NFE2L2: variants seen among roughly 807,000 people sequenced by gnomAD.
NFE2L2 encodes nuclear factor erythroid 2-related factor 2.
In NFE2L2, 20 loss-of-function variants were observed where a neutral mutation model predicts 49.6. That is an observed-to-expected ratio of 0.40 (90% CI 0.28 to 0.59). NFE2L2 has a LOEUF of 0.59. Among genes scored for constraint, NFE2L2 ranks in the 20% least tolerant of loss-of-function variants. The probability of loss-of-function intolerance (pLI) is 0.40; values close to 1 mark genes in which losing one functional copy is unlikely to be tolerated. For synonymous variants in NFE2L2, 244 were observed against 256.5 expected, an observed-to-expected ratio of 0.95 and a Z score of 0.47; for missense variants, 578 against 714.2, an observed-to-expected ratio of 0.81 and a Z score of 2.17.
intron 1 of NFE2L2, among the ~76,000 whole-genome samples, chr2:177,242,374 T>A (rs148958299): frequency 2.1e-3 from 324 of 152,376 alleles, no homozygotes; most frequent in African/African-American, 7.6e-3. Context: ...CAAGTTTTCC[T>A]TTCCCTTATC....
At chr2:177,232,193 A>C in intron 4 of NFE2L2, 185 bp from the exon 5 acceptor site, 1 of 895,900 alleles carries the variant, frequency 1.1e-6, no homozygotes, top group Non-Finnish European at 1.6e-6. Context: ...TTATTTTCAG[A>C]GTTCCCAGAT....
intron 1 of NFE2L2, among the ~76,000 whole-genome samples, chr2:177,244,870 G>C (rs1690069473): frequency 6.6e-6 from 1 of 151,968 alleles, no homozygotes; most frequent in African/African-American, 2.4e-5. Flanking sequence ...TGGGCGTGGT[G>C]GTGGGCGCCT....
Position 177,264,665 on chromosome 2 carries a change from C to CGGCGGCGGCGGT in NFE2L2, c.-90_-89insACCGCCGCCGCC. On this transcript the variant is annotated 5_prime_UTR_variant, in exon 1 of 5. Transcript: ENST00000397062. ...GGCGCGGACAGGGCGGCTCTGGTGG[C>CGGCGGCGGCGGT]GGCGGCGGCGGCGGTGGCGGCTGCG... 3.9e-6 allele frequency: 2 copies of CGGCGGCGGCGGT among 506,832 alleles called. No individual in the cohort carries two copies. The highest frequency in any genetic ancestry group is 4.9e-6 in the Non-Finnish European group (2 of 407,818). 31.4% of individuals were successfully genotyped at this position (506,832 alleles called of 1,614,324 possible). A position where few individuals can be genotyped will look rare whatever the true frequency, so the allele number is the denominator to read the frequency against.
At position 177,264,676 on chromosome 2, in the gene NFE2L2, G is replaced by T. The variant is rs1252901958; in HGVS notation, c.-100C>A. The T allele has an allele frequency of 8.4e-4, 974 of 1,156,076 alleles. 4 individuals are homozygous for T. Among genetic ancestry groups the T allele is most frequent in the Non-Finnish European group, 1.0e-3 (937 of 894,920 alleles). The allele number at this position is 1,156,076 out of a possible 1,614,324, so 71.6% of individuals were successfully genotyped here. A position where few individuals can be genotyped will look rare whatever the true frequency, so the allele number is the denominator to read the frequency against. ...GGCGGCTCTGGTGGCGGCGGCGGCG[G>T]CGGTGGCGGCTGCGTCGGCGGCTCC... On this transcript the variant is annotated 5_prime_UTR_variant, in exon 1 of 5. Transcript: ENST00000397062.
Position 177,234,113 on chromosome 2 carries a change from T to C in NFE2L2, c.204A>G (p.Lys68=). The change falls in exon 2 of 5, where the codon AAA becomes AAG. Residue 68 remains lysine (K), a synonymous_variant. Coordinates refer to ENST00000397062, the MANE Select transcript of NFE2L2 (RefSeq NM_006164.5). ...CTAGTTGTAACTGAGCGAAAAAGGC[T>C]TTCTCTTGCTCCTTTTGGAGTTGTT... ...RQEQLQKEQE[K]AFFAQLQLDE... The C allele has an allele frequency of 1.2e-6, 2 of 1,614,212 alleles. No individual in the cohort carries two copies. Among genetic ancestry groups the C allele is most frequent in the Non-Finnish European group, 1.7e-6 (2 of 1,180,030 alleles).
chr2:177,256,472 C>T (rs1690526825), intron 1 of NFE2L2, among the ~76,000 whole-genome samples: 1 of 131,252 alleles, frequency 7.6e-6, no homozygotes, highest in African/African-American at 2.9e-5. Flanking sequence ...AGGTACTAAT[C>T]TACTCTGAAT....
Position 177,235,270 on chromosome 2 carries a change from A to G in NFE2L2, c.46-999T>C, listed in dbSNP as rs536553173. ...GAGAGACCCTGTTTCTACCAAAACA[A>G]AAACAAACAACAACAACAACAACTG... On this transcript the variant is annotated intron_variant, in intron 1 of 4. Transcript: ENST00000397062. 1.7e-4 allele frequency among the ~76,000 whole-genome samples: 25 copies of G among 151,334 alleles called. No individual in the cohort carries two copies. In the South Asian group the frequency reaches 3.4e-3, roughly 20 times the overall value.
In NFE2L2 at chr2:177,255,697, T is replaced by C. The variant is rs147830306; in HGVS notation, c.45+8835A>G. On this transcript the variant is annotated intron_variant, in intron 1 of 4. Coordinates refer to ENST00000397062, the MANE Select transcript of NFE2L2 (RefSeq NM_006164.5). ...ACCTTAGCCTCCCAAATAGCTACAA[T>C]TGCAGGTGTGCACCACTGGATCCAG... Among the ~76,000 whole-genome samples, 294 of 152,252 alleles carry C rather than the reference T, an allele frequency of 1.9e-3. 4 individuals are homozygous for C. In the East Asian group the frequency reaches 0.037, roughly 19 times the overall value.
chr2:177,260,050 T>G (rs1009152658), intron 1 of NFE2L2, among the ~76,000 whole-genome samples: 2 of 152,260 alleles, frequency 1.3e-5, no homozygotes, highest in African/African-American at 4.8e-5. Flanking sequence ...TGAATAAATC[T>G]TGGCCTATAC....
intron 1 of NFE2L2, among the ~76,000 whole-genome samples, chr2:177,253,726 T>C (rs1558990207): frequency 6.6e-6 from 1 of 152,234 alleles, no homozygotes; most frequent in Non-Finnish European, 1.5e-5. Context: ...ATCATTCCCA[T>C]TAACAATACT....
chr2:177,248,674 G>C lies in NFE2L2; in HGVS notation c.46-14403C>G, dbSNP rs1040693555. On this transcript the variant is annotated intron_variant, in intron 1 of 4. Transcript: ENST00000397062. ...TCCGCCTGCCTGGGCCTCCCAAAGTGCTGGCATTACAGGCATGAGCCACCG... is the reference window on the plus strand; with the variant it reads ...TCCGCCTGCCTGGGCCTCCCAAAGTCCTGGCATTACAGGCATGAGCCACCG... Among the ~76,000 whole-genome samples, 5 of 152,190 alleles carry C rather than the reference G, an allele frequency of 3.3e-5. No individual in the cohort carries two copies. The South Asian group carries it at 8.3e-4, about 25-fold the overall frequency.
At chr2:177,250,240 AG>A (rs1440608880) in intron 1 of NFE2L2, among the ~76,000 whole-genome samples, 2 of 152,232 alleles carry the variant, frequency 1.3e-5, no homozygotes, top group African/African-American at 4.8e-5. Context: ...AAGAATGGAT[AG>A]AAGTGAGAGG....
rs1689668061 is a variant in NFE2L2, at chr2:177,234,335, A to G, written c.46-64T>C. 41 of 1,513,826 alleles carry G rather than the reference A, an allele frequency of 2.7e-5. No homozygotes were observed. The South Asian group carries it at 4.9e-4, about 18-fold the overall frequency. 93.8% of individuals were successfully genotyped at this position (1,513,826 alleles called of 1,614,324 possible). A position where few individuals can be genotyped will look rare whatever the true frequency, so the allele number is the denominator to read the frequency against. On this transcript the variant is annotated intron_variant, in intron 1 of 4. Coordinates refer to ENST00000397062, the MANE Select transcript of NFE2L2 (RefSeq NM_006164.5). ...TTTTTTAAATGACAGATACCACATAAATTAATTCACATTATGCCACTGTTG... is the reference window on the plus strand; with the variant it reads ...TTTTTTAAATGACAGATACCACATAGATTAATTCACATTATGCCACTGTTG...
chr2:177,234,642 A>G (rs1392765309), intron 1 of NFE2L2, among the ~76,000 whole-genome samples: 1 of 152,266 alleles, frequency 6.6e-6, no homozygotes, highest in Admixed American at 6.5e-5. Context: ...ACTGGCTTAT[A>G]TAAGAGAAGT....
chr2:177,247,047 G>C (rs1690157058), intron 1 of NFE2L2, among the ~76,000 whole-genome samples: 1 of 151,988 alleles, frequency 6.6e-6, no homozygotes, highest in Non-Finnish European at 1.5e-5. Flanking sequence ...GAATATCCTT[G>C]TATATAAATC....
chr2:177,258,640 T>C (rs1218140169), intron 1 of NFE2L2, among the ~76,000 whole-genome samples: 3 of 152,078 alleles, frequency 2.0e-5, no homozygotes, highest in African/African-American at 7.2e-5. Flanking sequence ...TATATATCTA[T>C]AAATTCTATC....
In NFE2L2 at chr2:177,232,443, T is replaced by C. The variant is rs1378941509; in HGVS notation, c.543A>G (p.Gln181=). ...CCTCCCAAACTTGCTCAATGTCCTG[T>C]TGCATACCGTCTAAATCAACAGGGG... ...QVAPVDLDGM[Q]QDIEQVWEEL... is the part of the protein sequence containing the mutation. The change falls in exon 4 of 5, where the codon CAA becomes CAG. Residue 181 remains glutamine (Q), a synonymous_variant. Transcript: ENST00000397062. The C allele has an allele frequency of 1.9e-6, 3 of 1,614,018 alleles. No individual in the cohort carries two copies. The highest frequency in any genetic ancestry group is 2.5e-6 in the Non-Finnish European group (3 of 1,180,002).
Position 177,231,315 on chromosome 2 carries a change from A to G in NFE2L2, c.1288T>C (p.Leu430=), listed in dbSNP as rs189238236. The part of the protein sequence containing the change: ...AQCENTPEKE[L]PVSPGHRKTP... ...TTCCGATGACCAGGACTTACAGGCA[A>G]TTCTTTCTCTGGTGTGTTCTCACAT... The change falls in exon 5 of 5, where the codon TTG becomes CTG. Residue 430 remains leucine (L), a synonymous_variant. Transcript: ENST00000397062. 9.9e-6 allele frequency: 16 copies of G among 1,614,292 alleles called. No individual in the cohort carries two copies. The East Asian group carries it at 2.9e-4, about 29-fold the overall frequency.
At chr2:177,237,188 A>G (rs949016307) in intron 1 of NFE2L2, among the ~76,000 whole-genome samples, 3 of 152,096 alleles carry the variant, frequency 2.0e-5, no homozygotes, top group African/African-American at 4.8e-5. Flanking sequence ...TTTTGAACCA[A>G]TCTGCCATTG....
Sources: gnomAD v4.1 joint callset for allele counts (sites outside exome capture counted in the v4.1 genomes callset) on GRCh38, gnomAD v4.1.1 for gene constraint, MANE v1.5 for transcripts, NCBI Gene and HGNC (gene_info 2026-07-23, HGNC 2026-07-21) for gene names.